Variants in TMEM117 observed in about 807,000 individuals in gnomAD.
The protein encoded by TMEM117 is transmembrane protein 117.
A neutral mutation model predicts 52.4 loss-of-function variants in TMEM117; 27 were observed. That is an observed-to-expected ratio of 0.51 (90% CI 0.38 to 0.71). The LOEUF (loss-of-function observed/expected upper bound fraction) is 0.71. TMEM117 is among the 30% of genes least tolerant of loss of function. The pLI is 0.00. For synonymous variants in TMEM117, 215 were observed against 206.3 expected (o/e 1.04, Z -0.36); for missense variants, 556 against 630.5 (o/e 0.88, Z 1.26).
At chr12:43,868,753 T>C (rs1021071990) in intron 2 of TMEM117, among the ~76,000 whole-genome samples, 2 of 152,118 alleles carry the variant, frequency 1.3e-5, no homozygotes, top group African/African-American at 4.8e-5. Flanking sequence ...AGAAAAAAGT[T>C]GCAAATCATT....
chr12:44,350,610 C>T (rs184984931), intron 6 of TMEM117, among the ~76,000 whole-genome samples: 86 of 152,010 alleles, frequency 5.7e-4, no homozygotes, highest in Admixed American at 9.8e-4. Context: ...TAATTGAGAA[C>T]GTGCAATGTT....
chr12:44,159,432 G>T (rs1948870332), intron 4 of TMEM117, among the ~76,000 whole-genome samples: 1 of 151,834 alleles, frequency 6.6e-6, no homozygotes, highest in African/African-American at 2.4e-5. Context: ...AGATGGTTTA[G>T]TTTTCTAAAA....
chr12:44,215,823 A>G (rs1949709224), intron 5 of TMEM117, among the ~76,000 whole-genome samples: 1 of 151,856 alleles, frequency 6.6e-6, no homozygotes. Context: ...GGCTTCACAA[A>G]TACTCCAGGT....
Position 43,907,903 on chromosome 12 carries a change from C to A in TMEM117, c.278-36307C>A, listed in dbSNP as rs1475724912. On this transcript the variant is annotated intron_variant, in intron 2 of 7. Transcript: ENST00000266534. The stretch of plus-strand genomic sequence containing the variant: ...CCCAAAAGTGACGGGGAGAATGGAA[C>A]CAAGTTGGAAAACACTCCTCAGGAT... 9.2e-5 allele frequency among the ~76,000 whole-genome samples: 10 copies of A among 109,126 alleles called. 1 individual carries two copies. Among genetic ancestry groups the A allele is most frequent in the Non-Finnish European group, 1.7e-4 (8 of 48,006 alleles). 71.6% of individuals were successfully genotyped at this position (109,126 alleles called of 152,430 possible). A position where few individuals can be genotyped will look rare whatever the true frequency, so the allele number is the denominator to read the frequency against.
At chr12:43,810,755 T>C in the TMEM117 span, among the ~76,000 whole-genome samples, 1 of 152,222 alleles carries the variant, frequency 6.6e-6, no homozygotes. Flanking sequence ...CTGAAAATCA[T>C]AGCCTCATGG....
At position 43,949,028 on chromosome 12, in the gene TMEM117, G is replaced by A. The variant is rs775871200; in HGVS notation, c.410+4686G>A. Among the ~76,000 whole-genome samples, 7 of 152,096 alleles carry A rather than the reference G, an allele frequency of 4.6e-5. No homozygotes were observed. In the South Asian group the frequency reaches 8.3e-4, roughly 18 times the overall value. On this transcript the variant is annotated intron_variant, in intron 3 of 7. Transcript: ENST00000266534. ...TAGAAATTTCCACACAGATGATCCC[G>A]CAATGGGCTACAGTGGGAGGGGGAG...
chr12:44,183,766 G>C (rs922665305), intron 4 of TMEM117, among the ~76,000 whole-genome samples: 1 of 152,122 alleles, frequency 6.6e-6, no homozygotes, highest in Non-Finnish European at 1.5e-5. Context: ...CTGCATGTTC[G>C]GCCTGGGTGT....
intron 3 of TMEM117, among the ~76,000 whole-genome samples, chr12:44,116,094 A>G (rs1948137968): frequency 6.6e-6 from 1 of 152,224 alleles, no homozygotes; most frequent in South Asian, 2.1e-4. Flanking sequence ...GCTGAAGTCA[A>G]TAATCATCTA....
downstream of TMEM117, among the ~76,000 whole-genome samples, chr12:44,392,667 TC>T (rs1020777931): frequency 9.9e-5 from 13 of 130,806 alleles, no homozygotes; most frequent in Middle Eastern, 3.8e-3. Flanking sequence ...ATGCTATCCC[TC>T]CCCCCTCCCC....
intron 5 of TMEM117, among the ~76,000 whole-genome samples, chr12:44,237,267 G>A (rs748791075): frequency 3.3e-5 from 5 of 151,666 alleles, no homozygotes; most frequent in Non-Finnish European, 5.9e-5. Flanking sequence ...TGTGACAGAC[G>A]TCATTTCTTC....
At chr12:44,046,901 A>G (rs547764998) in intron 3 of TMEM117, among the ~76,000 whole-genome samples, 1 of 152,272 alleles carries the variant, frequency 6.6e-6, no homozygotes, top group South Asian at 2.1e-4. Context: ...TGTATGAAGG[A>G]TAATTGTATT....
intron 3 of TMEM117, among the ~76,000 whole-genome samples, chr12:43,993,457 T>C (rs1945976712): frequency 6.6e-6 from 1 of 152,156 alleles, no homozygotes; most frequent in South Asian, 2.1e-4. Flanking sequence ...ATTACATAGA[T>C]GTAAGCATTT....
At chr12:44,343,565 CAG>C (rs1951445436) in intron 6 of TMEM117, among the ~76,000 whole-genome samples, 1 of 151,850 alleles carries the variant, frequency 6.6e-6, no homozygotes, top group Admixed American at 6.6e-5. Flanking sequence ...GCCTGGGGGA[CAG>C]GGGACATGGG....
chr12:44,241,158 A>G (rs1305465495), intron 5 of TMEM117, among the ~76,000 whole-genome samples: 9 of 151,984 alleles, frequency 5.9e-5, no homozygotes, highest in African/African-American at 2.2e-4. Flanking sequence ...AATGTAAAAC[A>G]CAATATAAGC....
At chr12:44,137,114 A>G (rs986720498) in intron 3 of TMEM117, among the ~76,000 whole-genome samples, 14 of 150,478 alleles carry the variant, frequency 9.3e-5, no homozygotes, top group African/African-American at 2.7e-4. Flanking sequence ...AAAAAAAAAG[A>G]TACATGTTTA....
chr12:43,806,015 G>C, the TMEM117 span: 1 of 1,524,270 alleles, frequency 6.6e-7, no homozygotes, highest in Admixed American at 2.0e-5. Flanking sequence ...GCAACGTGAC[G>C]GCAGCAGGGA....
intron 3 of TMEM117, among the ~76,000 whole-genome samples, chr12:44,005,811 A>G (rs554871473): frequency 6.6e-6 from 1 of 152,148 alleles, no homozygotes; most frequent in East Asian, 1.9e-4. Flanking sequence ...TTACCATGCT[A>G]TTCTTGTGAT....
chr12:44,015,124 T>C (rs1177681402), intron 3 of TMEM117, among the ~76,000 whole-genome samples: 1 of 152,164 alleles, frequency 6.6e-6, no homozygotes, highest in Non-Finnish European at 1.5e-5. Flanking sequence ...TTTTCCTCTT[T>C]GGCTGTTATT....
chr12:44,152,011 T>C (rs1488187888), intron 4 of TMEM117, among the ~76,000 whole-genome samples: 7 of 120,152 alleles, frequency 5.8e-5, no homozygotes, highest in South Asian at 2.6e-4. Context: ...ATATAATATA[T>C]ATTATATATT....
Sources: allele counts gnomAD v4.1 joint callset (sites outside exome capture counted in the v4.1 genomes callset), GRCh38; gene constraint gnomAD v4.1.1; transcripts MANE v1.5; gene names NCBI Gene and HGNC (gene_info 2026-07-23, HGNC 2026-07-21).